The following EEIG2 variants were observed in gnomAD, a reference collection of about 807,000 sequenced individuals.
EEIG2 encodes the protein EEIG family member 2.
the EEIG2 span, among the ~76,000 whole-genome samples, chr1:108,623,655 A>G: frequency 2.0e-5 from 3 of 152,232 alleles, no homozygotes; most frequent in African/African-American, 7.2e-5. Context: ...TATACCTATT[A>G]TGTATCTACA....
At chr1:108,596,636 T>C in the EEIG2 span, among the ~76,000 whole-genome samples, 1 of 152,204 alleles carries the variant, frequency 6.6e-6, no homozygotes, top group Non-Finnish European at 1.5e-5. Flanking sequence ...AAATATAGCA[T>C]CCTATTCCTG....
the EEIG2 span, among the ~76,000 whole-genome samples, chr1:108,603,333 G>A: frequency 2.6e-5 from 4 of 152,302 alleles, no homozygotes; most frequent in East Asian, 5.8e-4. Context: ...AACAAAAACT[G>A]AAATCTGGGG....
chr1:108,573,958 C>T, the EEIG2 span, among the ~76,000 whole-genome samples: 12 of 152,234 alleles, frequency 7.9e-5, no homozygotes, highest in East Asian at 2.3e-3. Flanking sequence ...TGGGGCAGCC[C>T]CTATGGAAAA....
the EEIG2 span, among the ~76,000 whole-genome samples, chr1:108,606,836 T>C: frequency 6.6e-6 from 1 of 152,184 alleles, no homozygotes; most frequent in Non-Finnish European, 1.5e-5. Context: ...ATTTTGTTTT[T>C]TATTTTTGTA....
At chr1:108,587,510 C>A in the EEIG2 span, among the ~76,000 whole-genome samples, 4 of 152,114 alleles carry the variant, frequency 2.6e-5, no homozygotes, top group Non-Finnish European at 5.9e-5. Context: ...ATGTACCCAC[C>A]ATCATAGCAT....
the EEIG2 span, among the ~76,000 whole-genome samples, chr1:108,634,686 CT>C: frequency 6.6e-6 from 1 of 152,166 alleles, no homozygotes; most frequent in East Asian, 1.9e-4. Flanking sequence ...GAATGAGACC[CT>C]GCCATGAAAA....
chr1:108,606,299 A>G, the EEIG2 span: 1 of 1,346,306 alleles, frequency 7.4e-7, no homozygotes, highest in Non-Finnish European at 1.0e-6. Context: ...AATGTTGCTT[A>G]TTGCTATTTA....
chr1:108,614,955 C>A, the EEIG2 span, among the ~76,000 whole-genome samples: 1 of 152,080 alleles, frequency 6.6e-6, no homozygotes, highest in Admixed American at 6.5e-5. Flanking sequence ...GGAAAGCAGA[C>A]CTCAGGGTTC....
chr1:108,614,586 G>A, the EEIG2 span, among the ~76,000 whole-genome samples: 7 of 151,974 alleles, frequency 4.6e-5, no homozygotes, highest in Middle Eastern at 6.8e-3. Flanking sequence ...TGCCTCTCCC[G>A]CCTTATCCTT....
chr1:108,614,812 C>T, the EEIG2 span, among the ~76,000 whole-genome samples: 4 of 152,162 alleles, frequency 2.6e-5, no homozygotes, highest in African/African-American at 9.7e-5. Flanking sequence ...CAAAAATTAA[C>T]CTCTCATCTT....
the EEIG2 span, chr1:108,560,285 GCGGCCGGCC>G: frequency 2.2e-6 from 1 of 448,168 alleles, no homozygotes; most frequent in Non-Finnish European, 2.9e-6. Flanking sequence ...GGCCCCGGCC[GCGGCCGGCC>G]TGCGGCGCCC....
the EEIG2 span, chr1:108,629,792 A>G: frequency 1.4e-6 from 1 of 703,312 alleles, no homozygotes; most frequent in African/African-American, 1.8e-5. Flanking sequence ...ACATGCGAAG[A>G]GTTACAGCTC....
chr1:108,593,854 A>G, the EEIG2 span, among the ~76,000 whole-genome samples: 1 of 152,028 alleles, frequency 6.6e-6, no homozygotes, highest in Non-Finnish European at 1.5e-5. Context: ...TGCCCAGGCT[A>G]GTGTGCAGTG....
chr1:108,626,773 C>G, the EEIG2 span: 1 of 152,158 alleles, frequency 6.6e-6, no homozygotes, highest in Non-Finnish European at 1.5e-5. Context: ...CTCCACTACC[C>G]TATATGCCAA....
At chr1:108,635,588 AT>A in the EEIG2 span, 1 of 154,102 alleles carries the variant, frequency 6.5e-6, no homozygotes, top group East Asian at 1.9e-4. Context: ...AACCCTATAG[AT>A]TTTGTCAAGA....
the EEIG2 span, among the ~76,000 whole-genome samples, chr1:108,580,055 G>A: frequency 6.6e-6 from 1 of 152,124 alleles, no homozygotes; most frequent in Non-Finnish European, 1.5e-5. Context: ...GTGAGCCACT[G>A]TGCCTGGCTC....
chr1:108,602,160 GCAAC>G, the EEIG2 span, among the ~76,000 whole-genome samples: 14 of 152,276 alleles, frequency 9.2e-5, no homozygotes, highest in African/African-American at 3.4e-4. Context: ...TGAAGAAGGG[GCAAC>G]CATGTAAAGG....
chr1:108,579,227 A>G, the EEIG2 span, among the ~76,000 whole-genome samples: 1 of 79,904 alleles, frequency 1.3e-5, no homozygotes, highest in African/African-American at 4.4e-5. Flanking sequence ...TAGGCTCAAA[A>G]TAAAAGGATG....
chr1:108,619,687 G>A, the EEIG2 span, among the ~76,000 whole-genome samples: 1 of 152,124 alleles, frequency 6.6e-6, no homozygotes, highest in African/African-American at 2.4e-5. Flanking sequence ...AGGAGTTCAC[G>A]ACCAGCCTGG....
Sources: allele counts gnomAD v4.1 joint callset (sites outside exome capture counted in the v4.1 genomes callset), GRCh38; gene constraint gnomAD v4.1.1; transcripts MANE v1.5; gene names NCBI Gene and HGNC (gene_info 2026-07-23, HGNC 2026-07-21).